EXOC6B: variants seen among roughly 807,000 people sequenced by gnomAD.
EXOC6B encodes the protein exocyst complex component 6B, also known as SEC15 homolog B.
A neutral mutation model predicts 113.5 loss-of-function variants in EXOC6B; 54 were observed. That is an observed-to-expected ratio of 0.48 (90% CI 0.38 to 0.60). The LOEUF is 0.60. Ranked by LOEUF, EXOC6B falls within the 20% of genes least tolerant of loss-of-function variation. The pLI is 0.00. For missense variants in EXOC6B, 797 were observed against 977.5 expected (o/e 0.82, Z 2.46); for synonymous variants, 357 against 339.0 (o/e 1.05, Z -0.58).
intron 1 of EXOC6B, among the ~76,000 whole-genome samples, chr2:72,766,628 G>A (rs1277769945): frequency 1.3e-5 from 2 of 152,072 alleles, no homozygotes; most frequent in East Asian, 3.8e-4. Context: ...GAACTCCATA[G>A]ATGGTTTACC....
At chr2:72,483,583 T>C (rs1341425133) in intron 16 of EXOC6B, among the ~76,000 whole-genome samples, 1 of 152,238 alleles carries the variant, frequency 6.6e-6, no homozygotes, top group Non-Finnish European at 1.5e-5. Flanking sequence ...AGTCACTTTT[T>C]GAAATGTTTC....
At chr2:72,749,034 T>A (rs1681872762) in intron 1 of EXOC6B, among the ~76,000 whole-genome samples, 1 of 152,130 alleles carries the variant, frequency 6.6e-6, no homozygotes, top group Non-Finnish European at 1.5e-5. Context: ...GGATTATTAG[T>A]GGCTTCACTT....
intron 17 of EXOC6B, among the ~76,000 whole-genome samples, chr2:72,472,311 AATTTGGTGGT>A (rs1331152906): frequency 6.6e-6 from 1 of 151,998 alleles, no homozygotes; most frequent in Admixed American, 6.6e-5. Flanking sequence ...TGTTTGGTGG[AATTTGGTGGT>A]GAATCCACCT....
At chr2:72,206,119 A>G (rs1572996600) in intron 20 of EXOC6B, among the ~76,000 whole-genome samples, 1 of 152,248 alleles carries the variant, frequency 6.6e-6, no homozygotes, top group Non-Finnish European at 1.5e-5. Flanking sequence ...TACAGTCTCA[A>G]TTAGTGTGAT....
At chr2:72,230,337 A>G (rs972478945) in intron 20 of EXOC6B, among the ~76,000 whole-genome samples, 8 of 152,202 alleles carry the variant, frequency 5.3e-5, no homozygotes, top group African/African-American at 1.9e-4. Flanking sequence ...GTAGCTTTGG[A>G]AAGGGAAGAA....
chr2:72,406,418 C>T lies in EXOC6B; in HGVS notation c.1981-26548G>A, dbSNP rs955249276. Reference sequence around the variant, plus strand: ...AATATACATTCTTTTCAGCACCACACCACACCTATTCCAAAACTGACCACA... The same window carrying T: ...AATATACATTCTTTTCAGCACCACATCACACCTATTCCAAAACTGACCACA... On this transcript the variant is annotated intron_variant, in intron 18 of 21. Coordinates refer to ENST00000272427, the MANE Select transcript of EXOC6B (RefSeq NM_015189.3). Among the ~76,000 whole-genome samples the T allele has an allele frequency of 3.9e-5, 6 of 152,106 alleles. No individual in the cohort carries two copies. In the East Asian group the frequency reaches 7.7e-4, roughly 20 times the overall value.
intron 6 of EXOC6B, among the ~76,000 whole-genome samples, chr2:72,588,375 A>G (rs1004737930): frequency 4.6e-5 from 7 of 152,084 alleles, no homozygotes; most frequent in Admixed American, 6.6e-5. Context: ...GTCACATTTT[A>G]CAGCATGTAT....
intron 6 of EXOC6B, among the ~76,000 whole-genome samples, chr2:72,642,314 T>C (rs1235010388): frequency 7.1e-6 from 1 of 141,760 alleles, no homozygotes; most frequent in Non-Finnish European, 1.5e-5. Flanking sequence ...AAGTCAATCC[T>C]AAGCCAAAAG....
At chr2:72,772,622 C>T (rs1346983781) in intron 1 of EXOC6B, among the ~76,000 whole-genome samples, 4 of 152,114 alleles carry the variant, frequency 2.6e-5, no homozygotes, top group Non-Finnish European at 5.9e-5. Flanking sequence ...GCCCACACAC[C>T]CAGGCAACAG....
At chr2:72,810,357 AAAT>A (rs1685828970) in intron 1 of EXOC6B, among the ~76,000 whole-genome samples, 1 of 133,072 alleles carries the variant, frequency 7.5e-6, no homozygotes, top group African/African-American at 2.5e-5. Context: ...ATAAATAAAT[AAAT>A]AAATAAATAA....
At chr2:72,455,079 A>G (rs752044002) in intron 18 of EXOC6B, among the ~76,000 whole-genome samples, 6 of 152,196 alleles carry the variant, frequency 3.9e-5, no homozygotes, top group Non-Finnish European at 7.4e-5. Context: ...AAAAATCTTG[A>G]ATCTTGGATC....
intron 18 of EXOC6B, among the ~76,000 whole-genome samples, chr2:72,421,549 T>C (rs924898831): frequency 2.6e-5 from 4 of 152,252 alleles, no homozygotes; most frequent in African/African-American, 9.6e-5. Context: ...TTGTCACATA[T>C]GAAAAGATTA....
At chr2:72,507,426 A>T (rs1024209875) in intron 11 of EXOC6B, among the ~76,000 whole-genome samples, 1 of 152,132 alleles carries the variant, frequency 6.6e-6, no homozygotes, top group Non-Finnish European at 1.5e-5. Flanking sequence ...ACCCATTTAA[A>T]GTACATAATT....
At chr2:72,679,725 G>T (rs1676555640) in intron 6 of EXOC6B, among the ~76,000 whole-genome samples, 1 of 152,132 alleles carries the variant, frequency 6.6e-6, no homozygotes, top group South Asian at 2.1e-4. Context: ...ATATAAAATT[G>T]TTAAATCTTA....
chr2:72,457,447 G>A (rs187435158), intron 18 of EXOC6B, among the ~76,000 whole-genome samples: 22 of 152,104 alleles, frequency 1.4e-4, no homozygotes, highest in Non-Finnish European at 2.9e-5. Context: ...GAATTTCCAC[G>A]CTTAACCCAC....
Position 72,397,635 on chromosome 2 carries a change from T to TAA in EXOC6B, c.1981-17767_1981-17766dup, listed in dbSNP as rs1226704018. ...CTCATCTCAAAAAAAAAAAATAAAATAAAATAAAATAAAATAAAATAAAAT... is the reference window on the plus strand; with the variant it reads ...CTCATCTCAAAAAAAAAAAATAAAATAAAAAATAAAATAAAATAAAATAAAAT... On this transcript the variant is annotated intron_variant, in intron 18 of 21. Transcript: ENST00000272427. Among the ~76,000 whole-genome samples, 15 of 119,354 alleles carry TAA rather than the reference T, an allele frequency of 1.3e-4. 1 individual carries two copies. Among genetic ancestry groups the TAA allele is most frequent in the African/African-American group, 8.1e-4 (15 of 18,414 alleles). The allele number at this position is 119,354 out of a possible 152,430, so 78.3% of individuals were successfully genotyped here. A position where few individuals can be genotyped will look rare whatever the true frequency, so the allele number is the denominator to read the frequency against.
chr2:72,451,644 G>A (rs1335785608), intron 18 of EXOC6B, among the ~76,000 whole-genome samples: 1 of 143,200 alleles, frequency 7.0e-6, no homozygotes. Flanking sequence ...TTCACTTTTT[G>A]TCTTTGTGCC....
At chr2:72,654,452 AAAC>A (rs1410981995) in intron 6 of EXOC6B, among the ~76,000 whole-genome samples, 2 of 152,234 alleles carry the variant, frequency 1.3e-5, no homozygotes, top group East Asian at 1.9e-4. Context: ...CAAAGGAAAT[AAAC>A]AACAATCACT....
chr2:72,469,782 T>C (rs781623953), intron 17 of EXOC6B, among the ~76,000 whole-genome samples: 6 of 152,088 alleles, frequency 3.9e-5, no homozygotes, highest in Admixed American at 2.6e-4. Flanking sequence ...GTGTCAGTCA[T>C]TTCAACTATA....
Sources: gnomAD v4.1 joint callset for allele counts (sites outside exome capture counted in the v4.1 genomes callset) on GRCh38, gnomAD v4.1.1 for gene constraint, MANE v1.5 for transcripts, NCBI Gene and HGNC (gene_info 2026-07-23, HGNC 2026-07-21) for gene names.